SLC2A9: variants seen among roughly 807,000 people sequenced by gnomAD.
SLC2A9 encodes the protein solute carrier family 2, facilitated glucose transporter member 9.
Under a neutral mutation model 50.6 loss-of-function variants are expected in SLC2A9, and 39 were observed. The ratio of observed to expected loss-of-function variants is 0.77; its 90% CI spans 0.60 to 1.01. The LOEUF (loss-of-function observed/expected upper bound fraction) is 1.01. Among genes scored for constraint, SLC2A9 ranks in the 50% least tolerant of loss-of-function variants. The pLI is 0.00. For synonymous variants in SLC2A9, 324 were observed against 276.9 expected, an observed-to-expected ratio of 1.17 and a Z score of -1.69; for missense variants, 686 against 677.6, an observed-to-expected ratio of 1.01 and a Z score of -0.14.
intron 6 of SLC2A9, among the ~76,000 whole-genome samples, chr4:9,933,415 A>T (rs1020583915): frequency 2.0e-5 from 3 of 152,104 alleles, no homozygotes; most frequent in African/African-American, 7.2e-5. Flanking sequence ...GACTCTGCCC[A>T]ACTCCTTTTG....
intron 3 of SLC2A9, among the ~76,000 whole-genome samples, chr4:9,804,497 G>T (rs201420660): frequency 6.6e-6 from 1 of 152,158 alleles, no homozygotes; most frequent in African/African-American, 2.4e-5. Context: ...ATGGTGAGGG[G>T]TAGGACCCTC....
intron 8 of SLC2A9, among the ~76,000 whole-genome samples, chr4:9,902,296 G>C (rs766272208): frequency 6.6e-6 from 1 of 152,310 alleles, no homozygotes; most frequent in Middle Eastern, 3.4e-3. Flanking sequence ...CCACAGCAGA[G>C]ACCTTTGTCT....
intron 5 of SLC2A9, among the ~76,000 whole-genome samples, chr4:9,974,833 C>A (rs1754522605): frequency 6.6e-6 from 1 of 152,130 alleles, no homozygotes; most frequent in Admixed American, 6.5e-5. Flanking sequence ...CCAGAGGCAT[C>A]ATATTACCTG....
At position 9,890,685 on chromosome 4, in the gene SLC2A9, C is replaced by T; in HGVS notation, c.1140G>A (p.Arg380=). 1 of 1,614,104 alleles carries T rather than the reference C, an allele frequency of 6.2e-7. No homozygotes were observed. The highest frequency in any genetic ancestry group is 1.1e-5 in the South Asian group (1 of 91,066). Residue 380 remains arginine, a synonymous_variant, in exon 9 of 12, where the codon CGG becomes CGA. Coordinates refer to ENST00000264784, the MANE Select transcript of SLC2A9 (RefSeq NM_020041.3). ...FSGLVIEHLG[R]RPLLIGGFGL... is the part of the protein sequence containing the mutation. Reference sequence around the variant, plus strand: ...CAAAGCCACCAATGAGGAGGGGTCTCCGTCCCAGGTGCTCAATGACCAAAC... The same window carrying T: ...CAAAGCCACCAATGAGGAGGGGTCTTCGTCCCAGGTGCTCAATGACCAAAC...
chr4:9,865,636 G>A (rs1166265262), intron 10 of SLC2A9, among the ~76,000 whole-genome samples: 1 of 152,166 alleles, frequency 6.6e-6, no homozygotes, highest in Non-Finnish European at 1.5e-5. Flanking sequence ...AGCTCTCAAG[G>A]TGGAGGCTTA....
At chr4:9,816,351 G>A (rs981757018) in intron 3 of SLC2A9, among the ~76,000 whole-genome samples, 1 of 152,112 alleles carries the variant, frequency 6.6e-6, no homozygotes, top group Non-Finnish European at 1.5e-5. Flanking sequence ...GCTCGACAGA[G>A]AGGAGAACGG....
intron 3 of SLC2A9, among the ~76,000 whole-genome samples, chr4:9,786,804 C>T (rs1346487318): frequency 2.6e-5 from 4 of 152,234 alleles, no homozygotes; most frequent in Admixed American, 6.5e-5. Context: ...TGCACCCCCA[C>T]AGATATTTGG....
chr4:9,778,415 C>T (rs1466108719), downstream of SLC2A9, among the ~76,000 whole-genome samples: 8 of 152,116 alleles, frequency 5.3e-5, no homozygotes, highest in African/African-American at 9.7e-5. Context: ...CCACCGCACC[C>T]GGCCCTTTAC....
At position 9,978,690 on chromosome 4, in the gene SLC2A9, C is replaced by T. The variant is rs534534380; in HGVS notation, c.681+1902G>A. 1.8e-4 allele frequency among the ~76,000 whole-genome samples: 28 copies of T among 152,268 alleles called. No homozygotes were observed. In the South Asian group the frequency reaches 3.3e-3, roughly 18 times the overall value. ...ATAGAAATCGTCATGCATATGACAA[C>T]CACAAATGTAAAATGTGAGTTGTTT... On this transcript the variant is annotated intron_variant, in intron 5 of 11. Transcript: ENST00000264784.
At chr4:10,028,477 G>A (rs946840220) in intron 1 of SLC2A9, among the ~76,000 whole-genome samples, 1 of 152,190 alleles carries the variant, frequency 6.6e-6, no homozygotes, top group African/African-American at 2.4e-5. Flanking sequence ...AGCTGTGTGA[G>A]CTCAGGCGAC....
At chr4:9,812,739 A>G (rs1723054473) in intron 3 of SLC2A9, among the ~76,000 whole-genome samples, 1 of 152,188 alleles carries the variant, frequency 6.6e-6, no homozygotes, top group Non-Finnish European at 1.5e-5. Context: ...ACTCTGAAAT[A>G]CTGCCTCTCT....
At chr4:9,996,498 G>A (rs1483366204) in intron 3 of SLC2A9, among the ~76,000 whole-genome samples, 2 of 152,168 alleles carry the variant, frequency 1.3e-5, no homozygotes, top group Non-Finnish European at 2.9e-5. Flanking sequence ...GAGGAGGGAG[G>A]GGTCAGGGCA....
chr4:9,784,599 C>T (rs1718978052), intron 3 of SLC2A9, among the ~76,000 whole-genome samples: 1 of 152,170 alleles, frequency 6.6e-6, no homozygotes, highest in Admixed American at 6.5e-5. Context: ...TGTGAATGAA[C>T]TTGAAATTGG....
At chr4:9,912,733 C>G (rs1313854666) in intron 7 of SLC2A9, among the ~76,000 whole-genome samples, 1 of 152,140 alleles carries the variant, frequency 6.6e-6, no homozygotes, top group African/African-American at 2.4e-5. Flanking sequence ...GAACAACAGC[C>G]CCCCGCTCTC....
intron 2 of SLC2A9, among the ~76,000 whole-genome samples, chr4:9,998,056 C>T (rs1759042047): frequency 6.6e-6 from 1 of 152,160 alleles, no homozygotes; most frequent in Admixed American, 6.5e-5. Context: ...CATTAGTCAA[C>T]AGAGAAATGA....
chr4:9,935,326 G>A (rs1746866770), intron 6 of SLC2A9, among the ~76,000 whole-genome samples: 1 of 152,212 alleles, frequency 6.6e-6, no homozygotes, highest in Non-Finnish European at 1.5e-5. Flanking sequence ...CCCACTTAGT[G>A]CTCATTCTGT....
intron 8 of SLC2A9, among the ~76,000 whole-genome samples, chr4:9,901,713 T>A (rs1739660235): frequency 6.7e-6 from 1 of 149,134 alleles, no homozygotes; most frequent in South Asian, 2.2e-4. Flanking sequence ...GGCAGCCACA[T>A]CCTTGCCCCT....
At chr4:10,004,765 AAGG>A (rs1030636622) in intron 2 of SLC2A9, among the ~76,000 whole-genome samples, 8 of 152,366 alleles carry the variant, frequency 5.3e-5, no homozygotes, top group African/African-American at 1.7e-4. Flanking sequence ...AGGCTTCAAG[AAGG>A]AGGAGAGATT....
chr4:9,783,650 A>G, intron 3 of SLC2A9: 1 of 627,178 alleles, frequency 1.6e-6, no homozygotes, highest in South Asian at 2.2e-5. Flanking sequence ...AGCAGTTGCA[A>G]TAAACTCAGT....
Sources: allele counts gnomAD v4.1 joint callset (sites outside exome capture counted in the v4.1 genomes callset), GRCh38; gene constraint gnomAD v4.1.1; transcripts MANE v1.5; gene names NCBI Gene and HGNC (gene_info 2026-07-23, HGNC 2026-07-21).